CEP57L1: variants seen among roughly 807,000 people sequenced by gnomAD.
The protein encoded by CEP57L1 is centrosomal protein 57 like 1, also known as centrosomal protein CEP57L1.
CEP57L1 carries 37 observed loss-of-function variants against 61.0 expected under a neutral mutation model. The ratio of observed to expected loss-of-function variants is 0.61; its 90% confidence interval spans 0.47 to 0.80. The LOEUF (loss-of-function observed/expected upper bound fraction) is 0.80. Ranked by LOEUF, CEP57L1 falls within the 30% of genes least tolerant of loss-of-function variation. The pLI, the probability that CEP57L1 is intolerant of heterozygous loss-of-function variation, is 0.00. For missense variants in CEP57L1, 422 were observed against 524.7 expected, an observed-to-expected ratio of 0.80 and a Z score of 1.91; for synonymous variants, 137 against 162.3, an observed-to-expected ratio of 0.84 and a Z score of 1.19.
Position 109,166,964 on chromosome 6 carries a change from C to T in CEP57L1, c.*3994C>T, listed in dbSNP as rs1179908932. ...AGATAAGTATAAGCTGACACTCAGACATATGACAAGACAACCTTCACTAAG... is the reference window on the plus strand; with the variant it reads ...AGATAAGTATAAGCTGACACTCAGATATATGACAAGACAACCTTCACTAAG... On this transcript the variant is annotated 3_prime_UTR_variant, in exon 11 of 11. Coordinates refer to ENST00000517392, the MANE Select transcript of CEP57L1 (RefSeq NM_001271852.3). 1.3e-5 allele frequency among the ~76,000 whole-genome samples: 2 copies of T among 152,216 alleles called. No homozygotes were observed. The highest frequency in any genetic ancestry group is 2.1e-4 in the South Asian group (1 of 4,822).
At chr6:109,154,419 G>T (rs533883236) in intron 5 of CEP57L1, among the ~76,000 whole-genome samples, 44 of 152,066 alleles carry the variant, frequency 2.9e-4, no homozygotes, top group Non-Finnish European at 5.0e-4. Flanking sequence ...CCACACCACA[G>T]ATGTAAGACA....
At position 109,106,846 on chromosome 6, in the gene CEP57L1, G is replaced by A. The variant is rs540805160; in HGVS notation, c.-4+11271G>A. Among the ~76,000 whole-genome samples, 454 of 152,126 alleles carry A rather than the reference G, an allele frequency of 3.0e-3. 1 individual carries two copies. The highest frequency in any genetic ancestry group is 0.011 in the African/African-American group (437 of 41,520). On this transcript the variant is annotated intron_variant, in intron 1 of 10. Coordinates refer to ENST00000517392, the MANE Select transcript of CEP57L1 (RefSeq NM_001271852.3). ...TCCCAGCTACTCAGGAGGCTGAGGC[G>A]GGAAAATTTCTTGAACTCAGGAGGT... is the stretch of plus-strand genomic sequence containing the variant.
At chr6:109,147,964 T>G (rs1772144919) in intron 3 of CEP57L1, among the ~76,000 whole-genome samples, 1 of 152,156 alleles carries the variant, frequency 6.6e-6, no homozygotes, top group African/African-American at 2.4e-5. Flanking sequence ...TGTATTTTCA[T>G]AACTCTGGGA....
At position 109,145,310 on chromosome 6, in the gene CEP57L1, C is replaced by A. The variant is rs530346856; in HGVS notation, c.89C>A (p.Pro30Gln). ...GTTCCCTCATTCACCCAGAATGAAC[C>A]ATCTCAGAATTGCCATCCTGCAAAC... ...VFVPSFTQNE[P>Q]SQNCHPANLE... Residue 30 changes from proline (P) to glutamine (Q), a missense_variant, in exon 2 of 11, where the codon CCA (proline) becomes CAA (glutamine). Transcript: ENST00000517392. 1.9e-6 allele frequency: 3 copies of A among 1,609,922 alleles called. No individual in the cohort carries two copies. The highest frequency in any genetic ancestry group is 4.5e-5 in the East Asian group (2 of 44,726).
At chr6:109,101,389 A>G (rs771048136) in intron 1 of CEP57L1, among the ~76,000 whole-genome samples, 1 of 152,174 alleles carries the variant, frequency 6.6e-6, no homozygotes, top group Non-Finnish European at 1.5e-5. Flanking sequence ...TGTTTTTATC[A>G]CTGAAAAATA....
chr6:109,139,577 A>G (rs1459753820), intron 1 of CEP57L1, among the ~76,000 whole-genome samples: 1 of 151,736 alleles, frequency 6.6e-6, no homozygotes, highest in Non-Finnish European at 1.5e-5. Context: ...CCTGGGTTCA[A>G]GTGATTCTCC....
chr6:109,165,073 T>G lies in CEP57L1; in HGVS notation c.*2103T>G, dbSNP rs1375048330. 1.4e-5 allele frequency among the ~76,000 whole-genome samples: 2 copies of G among 144,334 alleles called. No homozygotes were observed. Among genetic ancestry groups the G allele is most frequent in the Non-Finnish European group, 3.0e-5 (2 of 66,620 alleles). The allele number at this position is 144,334 out of a possible 152,430, so 94.7% of individuals were successfully genotyped here. A position where few individuals can be genotyped will look rare whatever the true frequency, so the allele number is the denominator to read the frequency against. On this transcript the variant is annotated 3_prime_UTR_variant, in exon 11 of 11. Transcript: ENST00000517392. ...AGCCTGGTGACACAGCAAGACTCTG[T>G]CTCAAAAAAAAAAAAAAAAATTAAA...
At chr6:109,162,206 T>C (rs1038021113) in intron 10 of CEP57L1, among the ~76,000 whole-genome samples, 1 of 152,088 alleles carries the variant, frequency 6.6e-6, no homozygotes, top group Non-Finnish European at 1.5e-5. Flanking sequence ...CACATATTTA[T>C]ACACACACAT....
At chr6:109,144,395 T>G (rs1352994754) in intron 1 of CEP57L1, among the ~76,000 whole-genome samples, 1 of 152,188 alleles carries the variant, frequency 6.6e-6, no homozygotes, top group Non-Finnish European at 1.5e-5. Flanking sequence ...ATTCTTCCAG[T>G]GAGTTATTTT....
intron 4 of CEP57L1, among the ~76,000 whole-genome samples, chr6:109,151,956 G>T (rs1476464982): frequency 6.6e-6 from 1 of 151,576 alleles, no homozygotes; most frequent in Non-Finnish European, 1.5e-5. Context: ...ACAATATGTT[G>T]CTAAGTATTT....
intron 1 of CEP57L1, among the ~76,000 whole-genome samples, chr6:109,107,456 C>T (rs1457028088): frequency 1.3e-5 from 2 of 151,960 alleles, no homozygotes; most frequent in African/African-American, 2.4e-5. Context: ...TTTCTAAAGC[C>T]TGAAAAACAT....
chr6:109,158,479 A>T, intron 7 of CEP57L1: 1 of 369,376 alleles, frequency 2.7e-6, no homozygotes, highest in South Asian at 2.1e-5. Context: ...ACAGAATGAG[A>T]CCCTATCTCA....
Position 109,114,989 on chromosome 6 carries a change from T to A in CEP57L1, c.-4+19414T>A, listed in dbSNP as rs1398492561. ...ATATATACAATTATTATTTGCCAAT[T>A]AAAATAAAACTAATAAAAATACAAA... On this transcript the variant is annotated intron_variant, in intron 1 of 10. Transcript: ENST00000517392. Among the ~76,000 whole-genome samples, 3 of 152,116 alleles carry A rather than the reference T, an allele frequency of 2.0e-5. No homozygotes were observed. In the East Asian group the frequency reaches 5.8e-4, roughly 29 times the overall value.
chr6:109,136,549 A>G (rs1770708917), intron 1 of CEP57L1, among the ~76,000 whole-genome samples: 1 of 132,344 alleles, frequency 7.6e-6, no homozygotes, highest in Non-Finnish European at 1.6e-5. Context: ...ATGTACCCTA[A>G]AACTATAAGT....
intron 1 of CEP57L1, among the ~76,000 whole-genome samples, chr6:109,142,328 G>A (rs550951575): frequency 1.3e-5 from 2 of 152,228 alleles, no homozygotes; most frequent in South Asian, 4.1e-4. Flanking sequence ...GGATGGAGCT[G>A]GAAGCCATCA....
chr6:109,157,890 C>G (rs968519739), intron 7 of CEP57L1: 2 of 148,298 alleles, frequency 1.3e-5, no homozygotes, highest in Non-Finnish European at 3.0e-5. Flanking sequence ...TGTGTAGATT[C>G]ATGTCACCAT....
chr6:109,164,666 A>G lies in CEP57L1; in HGVS notation c.*1696A>G, dbSNP rs1773974188. Among the ~76,000 whole-genome samples the G allele has an allele frequency of 6.6e-6, 1 of 152,186 alleles. No homozygotes were observed. The highest frequency in any genetic ancestry group is 1.5e-5 in the Non-Finnish European group (1 of 68,026). Reference sequence around the variant, plus strand: ...TAGCTTTCTGCTATCCACCAGGACCATAATGCAGACCTATAGTTCTGTGCC... The same window carrying G: ...TAGCTTTCTGCTATCCACCAGGACCGTAATGCAGACCTATAGTTCTGTGCC... On this transcript the variant is annotated 3_prime_UTR_variant, in exon 11 of 11. Transcript: ENST00000517392.
At chr6:109,144,949 A>G (rs1771795979) in intron 1 of CEP57L1, among the ~76,000 whole-genome samples, 1 of 152,190 alleles carries the variant, frequency 6.6e-6, no homozygotes, top group East Asian at 1.9e-4. Flanking sequence ...CTGAGAAACC[A>G]GTAAATTCAA....
At chr6:109,104,662 A>G (rs1770711138) in intron 1 of CEP57L1, among the ~76,000 whole-genome samples, 1 of 152,172 alleles carries the variant, frequency 6.6e-6, no homozygotes, top group African/African-American at 2.4e-5. Context: ...GCCCACTGCA[A>G]GCCTCAACCT....
Sources: gnomAD v4.1 joint callset for allele counts (sites outside exome capture counted in the v4.1 genomes callset) on GRCh38, gnomAD v4.1.1 for gene constraint, MANE v1.5 for transcripts, NCBI Gene and HGNC (gene_info 2026-07-23, HGNC 2026-07-21) for gene names.